FAM53A: variants seen among roughly 807,000 people sequenced by gnomAD.
FAM53A encodes the protein protein FAM53A.
In FAM53A, 28 loss-of-function variants were observed where a neutral mutation model predicts 26.6. The ratio of observed to expected loss-of-function variants is 1.05; its 90% CI spans 0.78 to 1.45. FAM53A has a LOEUF of 1.45. Ranked by LOEUF, FAM53A falls within the 40% of genes most tolerant of loss-of-function variation. The pLI is 0.00. For missense variants in FAM53A, 650 were observed against 575.8 expected, an observed-to-expected ratio of 1.13 and a Z score of -1.32; for synonymous variants, 290 against 253.1, an observed-to-expected ratio of 1.15 and a Z score of -1.38.
intron 2 of FAM53A, among the ~76,000 whole-genome samples, chr4:1,667,898 C>G (rs898110984): frequency 6.6e-6 from 1 of 152,124 alleles, no homozygotes; most frequent in African/African-American, 2.4e-5. Flanking sequence ...GAAGGTGGCA[C>G]ATCCAAAGTT....
chr4:1,676,545 G>A (rs187686965), intron 1 of FAM53A, among the ~76,000 whole-genome samples: 15 of 152,258 alleles, frequency 9.9e-5, no homozygotes, highest in African/African-American at 3.6e-4. Context: ...CACACAGGGT[G>A]CTGGCTTACA....
chr4:1,604,724 G>A, the FAM53A span, among the ~76,000 whole-genome samples: 3 of 151,870 alleles, frequency 2.0e-5, no homozygotes, highest in Non-Finnish European at 4.4e-5. Flanking sequence ...TTGCTCCCAC[G>A]CCCTCCCGCC....
chr4:1,654,369 C>T lies in FAM53A; in HGVS notation c.882+609G>A, dbSNP rs576791148. 8.5e-5 allele frequency among the ~76,000 whole-genome samples: 13 copies of T among 152,378 alleles called. No individual in the cohort carries two copies. In the East Asian group the frequency reaches 2.5e-3, roughly 29 times the overall value. On this transcript the variant is annotated intron_variant, in intron 4 of 4. Transcript: ENST00000308132. ...CTCAGTCCTGTTTCCTTCCTTAACT[C>T]TGTGCCAACCACGGCCTGTGACGGG...
downstream of FAM53A, among the ~76,000 whole-genome samples, chr4:1,636,392 G>A (rs1487561458): frequency 3.9e-5 from 6 of 152,280 alleles, no homozygotes; most frequent in Admixed American, 2.0e-4. Flanking sequence ...TGCCTAGGAC[G>A]GGGGTTGTGA....
chr4:1,603,309 T>G, the FAM53A span, among the ~76,000 whole-genome samples: 6 of 151,996 alleles, frequency 3.9e-5, no homozygotes, highest in Admixed American at 2.6e-4. Context: ...GAGCCAGACC[T>G]TCAAGGGGCC....
At chr4:1,652,676 C>T (rs1274433872) in intron 4 of FAM53A, among the ~76,000 whole-genome samples, 1 of 150,144 alleles carries the variant, frequency 6.7e-6, no homozygotes, top group Non-Finnish European at 1.5e-5. Context: ...CACCACACCA[C>T]ACATACCACA....
At chr4:1,583,225 G>A in the FAM53A span, among the ~76,000 whole-genome samples, 1 of 152,178 alleles carries the variant, frequency 6.6e-6, no homozygotes, top group African/African-American at 2.4e-5. Context: ...CACTGGGGAG[G>A]GGACCAGCAC....
chr4:1,623,265 G>A (rs753011500), intron 1 of FAM53A, among the ~76,000 whole-genome samples: 15 of 152,338 alleles, frequency 9.8e-5, no homozygotes, highest in Non-Finnish European at 1.9e-4. Context: ...AAGCTCCCCC[G>A]ACGTGAAAGG....
chr4:1,685,908 C>G (rs558760764), upstream of FAM53A, among the ~76,000 whole-genome samples: 1 of 152,296 alleles, frequency 6.6e-6, no homozygotes, highest in African/African-American at 2.4e-5. Flanking sequence ...TCCATCCTGG[C>G]CCCTGTGGAC....
At chr4:1,598,521 AG>A in the FAM53A span, among the ~76,000 whole-genome samples, 2 of 152,270 alleles carry the variant, frequency 1.3e-5, no homozygotes, top group African/African-American at 4.8e-5. Context: ...GAGCGGCCAC[AG>A]AAGCAGTTCT....
chr4:1,682,767 A>G (rs112333969), intron 1 of FAM53A, among the ~76,000 whole-genome samples: 39 of 152,126 alleles, frequency 2.6e-4, no homozygotes, highest in African/African-American at 8.9e-4. Context: ...AACTACCTCT[A>G]TAACTAGAAA....
chr4:1,649,542 T>C (rs1040960755), intron 4 of FAM53A, among the ~76,000 whole-genome samples: 2 of 152,224 alleles, frequency 1.3e-5, no homozygotes, highest in Admixed American at 6.5e-5. Flanking sequence ...GAGGACCAGG[T>C]CACACAGGGC....
At chr4:1,600,881 C>T in the FAM53A span, among the ~76,000 whole-genome samples, 1 of 152,158 alleles carries the variant, frequency 6.6e-6, no homozygotes, top group Non-Finnish European at 1.5e-5. Flanking sequence ...GGGGCAAGTG[C>T]GGGTTCGGAG....
downstream of FAM53A, among the ~76,000 whole-genome samples, chr4:1,616,992 C>CTTCATGACTTTGGGAT (rs1560102052): frequency 1.4e-5 from 2 of 144,104 alleles, no homozygotes; most frequent in African/African-American, 5.9e-5. Flanking sequence ...CAAAAATTAG[C>CTTCATGACTTTGGGAT]CAGGCACGGT....
the FAM53A span, among the ~76,000 whole-genome samples, chr4:1,610,356 C>T: frequency 9.5e-3 from 1,440 of 152,310 alleles, 15 homozygotes; most frequent in African/African-American, 0.033. Context: ...GGACACCGCC[C>T]GTGCAGGGGA....
chr4:1,684,252 T>C lies in FAM53A; in HGVS notation c.-184A>G, dbSNP rs3134867. The C allele has an allele frequency of 6.6e-6, 1 of 150,728 alleles. No homozygotes were observed. Among genetic ancestry groups the C allele is most frequent in the Admixed American group, 6.6e-5 (1 of 15,166 alleles). 9.3% of individuals were successfully genotyped at this position (150,728 alleles called of 1,614,324 possible). ...CGGTACCTGAGCGCGGCCGCGGGGG[T>C]GCGGAGCGAGAAGACTGCCGGCCGC... On this transcript the variant is annotated 5_prime_UTR_variant, in exon 1 of 5. Transcript: ENST00000308132.
At chr4:1,675,523 G>T (rs1244886395) in intron 1 of FAM53A, among the ~76,000 whole-genome samples, 1 of 152,042 alleles carries the variant, frequency 6.6e-6, no homozygotes, top group East Asian at 1.9e-4. Context: ...GCTCCCAAAG[G>T]CTCCTTGTAA....
the FAM53A span, among the ~76,000 whole-genome samples, chr4:1,600,668 C>T: frequency 6.6e-3 from 1,004 of 152,250 alleles, 11 homozygotes; most frequent in East Asian, 0.029. Context: ...TTTTCTTTTT[C>T]GTTTTTGAGG....
At chr4:1,599,502 C>T in the FAM53A span, among the ~76,000 whole-genome samples, 1 of 152,146 alleles carries the variant, frequency 6.6e-6, no homozygotes, top group Non-Finnish European at 1.5e-5. This position sits in a 1 kb window ranked among gnomAD's most constrained non-coding sequence, Gnocchi z 6.1. Context: ...GGACAGGAGG[C>T]TGGGGAGGCG....
Sources: gnomAD v4.1 joint callset for allele counts (sites outside exome capture counted in the v4.1 genomes callset) on GRCh38, gnomAD v4.1.1 for gene constraint, Gnocchi (gnomAD v3.1) non-coding constraint, MANE v1.5 for transcripts, NCBI Gene and HGNC (gene_info 2026-07-23, HGNC 2026-07-21) for gene names.